Variants in ENDOD1 observed in about 807,000 individuals in gnomAD.
The protein encoded by ENDOD1 is endonuclease domain containing 1.
ENDOD1 carries 9 observed loss-of-function variants against 6.5 expected under a neutral mutation model. That is an observed-to-expected ratio of 1.39 (90% CI 0.84 to 2.43). The LOEUF (loss-of-function observed/expected upper bound fraction) is 2.43. ENDOD1 is among the 30% of genes most tolerant of loss of function. The pLI is 0.00. For synonymous variants in ENDOD1, 255 were observed against 255.2 expected (o/e 1.00, Z 0.01); for missense variants, 648 against 635.5 (o/e 1.02, Z -0.21).
chr11:95,121,784 G>A (rs182921225), intron 1 of ENDOD1, among the ~76,000 whole-genome samples: 166 of 152,292 alleles, frequency 1.1e-3, no homozygotes, highest in African/African-American at 3.8e-3. Context: ...CTAGTAGAGC[G>A]AAGACAGCTC....
chr11:95,124,922 T>C (rs1322155601), intron 1 of ENDOD1, among the ~76,000 whole-genome samples: 2 of 152,156 alleles, frequency 1.3e-5, no homozygotes, highest in Non-Finnish European at 2.9e-5. Context: ...TGGTTTCTGC[T>C]TAACAACAGG....
chr11:95,114,488 A>G (rs1020549382), intron 1 of ENDOD1, among the ~76,000 whole-genome samples: 1 of 152,122 alleles, frequency 6.6e-6, no homozygotes, highest in Non-Finnish European at 1.5e-5. Context: ...TTTCCTGTGT[A>G]GAAGCTTTTT....
At chr11:95,103,904 C>G (rs898622899) in intron 1 of ENDOD1, among the ~76,000 whole-genome samples, 4 of 152,176 alleles carry the variant, frequency 2.6e-5, no homozygotes, top group Non-Finnish European at 1.5e-5. Flanking sequence ...CCGTGTCTGC[C>G]TTGTGGACAG....
At chr11:95,114,120 A>G (rs536595935) in intron 1 of ENDOD1, among the ~76,000 whole-genome samples, 1 of 152,148 alleles carries the variant, frequency 6.6e-6, no homozygotes, top group South Asian at 2.1e-4. Context: ...TGTTTCATTG[A>G]TTGATCAATT....
Position 95,128,930 on chromosome 11 carries a change from T to C in ENDOD1, c.854T>C (p.Val285Ala). The C allele has an allele frequency of 1.2e-6, 2 of 1,613,932 alleles. No individual in the cohort carries two copies. Among genetic ancestry groups the C allele is most frequent in the Non-Finnish European group, 1.7e-6 (2 of 1,179,956 alleles). Residue 285 changes from valine (V) to alanine (A), a missense_variant, in exon 2 of 2, where the codon GTG (valine) becomes GCG (alanine). Physicochemically the swap from Val to Ala is moderately conservative, Grantham distance 64. Transcript: ENST00000278505. ...DTEKMKKILE[V>A]VNQIQDEERM... ...GAGAAAATGAAAAAAATCCTGGAAG[T>C]GGTTAACCAAATCCAGGATGAAGAA...
chr11:95,105,690 G>A (rs1390756583), intron 1 of ENDOD1, among the ~76,000 whole-genome samples: 6 of 152,268 alleles, frequency 3.9e-5, no homozygotes, highest in Middle Eastern at 3.4e-3. Context: ...CTGTTCCTGC[G>A]TTAGTTTGCT....
In ENDOD1 at chr11:95,128,428, A is replaced by G. The variant is rs767106232; in HGVS notation, c.352A>G (p.Ile118Val). 2 of 1,614,192 alleles carry G rather than the reference A, an allele frequency of 1.2e-6. No homozygotes were observed. The highest frequency in any genetic ancestry group is 2.2e-5 in the East Asian group (1 of 44,884). Residue 118 changes from isoleucine to valine, a missense_variant, in exon 2 of 2, where the codon ATC becomes GTC. By Grantham distance (29) the Ile-to-Val change is conservative. Transcript: ENST00000278505. ...LEEAINEAEAITSVNSLGSKQ... is the reference protein window; with the variant it reads ...LEEAINEAEAVTSVNSLGSKQ... ...GGAGGCGATTAATGAGGCAGAGGCC[A>G]TCACCTCTGTGAACAGCCTGGGAAG...
chr11:95,108,437 A>T (rs1859113019), intron 1 of ENDOD1, among the ~76,000 whole-genome samples: 1 of 151,790 alleles, frequency 6.6e-6, no homozygotes, highest in Non-Finnish European at 1.5e-5. Context: ...GAGGACAAGG[A>T]CATGCTCTGC....
Position 95,089,869 on chromosome 11 carries a change from G to C in ENDOD1, c.-59G>C, listed in dbSNP as rs1320858171. On this transcript the variant is annotated 5_prime_UTR_variant, in exon 1 of 2. Coordinates refer to ENST00000278505, the MANE Select transcript of ENDOD1 (RefSeq NM_015036.3). ...GCGTAGTGCGCTCCCCGCCCAGCCT[G>C]CAGAGCTCGCGCCGCGGCAGCCCAG... is the stretch of plus-strand genomic sequence containing the variant. 2.3e-6 allele frequency: 3 copies of C among 1,282,396 alleles called. No homozygotes were observed. The African/African-American group carries it at 4.7e-5, about 20-fold the overall frequency. The allele number at this position is 1,282,396 out of a possible 1,614,324, so 79.4% of individuals were successfully genotyped here. A position where few individuals can be genotyped will look rare whatever the true frequency, so the allele number is the denominator to read the frequency against.
At position 95,129,053 on chromosome 11, in the gene ENDOD1, G is replaced by T; in HGVS notation, c.977G>T (p.Ser326Ile). ...LPPEASEGSS[S>I]FLGKLMGFIA... is the part of the protein sequence containing the mutation. The stretch of plus-strand genomic sequence containing the variant: ...CCAGAGGCATCTGAGGGAAGTAGTA[G>T]CTTTTTGGGAAAACTCATGGGCTTC... The change falls in exon 2 of 2, where the codon AGC (serine) becomes ATC (isoleucine). Residue 326 changes from serine to isoleucine, a missense_variant. Ser to Ile is a moderately radical substitution (Grantham distance 142). Transcript: ENST00000278505. 1 of 1,614,018 alleles carries T rather than the reference G, an allele frequency of 6.2e-7. No homozygotes were observed. The highest frequency in any genetic ancestry group is 8.5e-7 in the Non-Finnish European group (1 of 1,180,036).
chr11:95,093,979 A>C (rs1211456537), intron 1 of ENDOD1, among the ~76,000 whole-genome samples: 1 of 152,134 alleles, frequency 6.6e-6, no homozygotes, highest in Non-Finnish European at 1.5e-5. Context: ...CAAACCTTTT[A>C]GTTTGTTGAC....
At chr11:95,090,278 C>T in intron 1 of ENDOD1, 51 bp downstream of exon 1, 1 of 1,356,058 alleles carries the variant, frequency 7.4e-7, no homozygotes, top group Non-Finnish European at 9.5e-7. Context: ...GACCGTGCCG[C>T]TGGACATGCC....
At chr11:95,100,218 G>C (rs1235159267) in intron 1 of ENDOD1, among the ~76,000 whole-genome samples, 1 of 152,106 alleles carries the variant, frequency 6.6e-6, no homozygotes, top group African/African-American at 2.4e-5. Context: ...TAGGGCCCAA[G>C]TTCCCATCAT....
chr11:95,103,216 C>T (rs1000633008), intron 1 of ENDOD1, among the ~76,000 whole-genome samples: 1 of 151,894 alleles, frequency 6.6e-6, no homozygotes, highest in Non-Finnish European at 1.5e-5. Context: ...TTTATCATGA[C>T]TTTGTTCCCT....
intron 1 of ENDOD1, among the ~76,000 whole-genome samples, chr11:95,091,912 A>T (rs532915563): frequency 6.6e-6 from 1 of 152,294 alleles, no homozygotes; most frequent in East Asian, 1.9e-4. Context: ...AGATAATAGC[A>T]TAGGGTGGTG....
intron 1 of ENDOD1, among the ~76,000 whole-genome samples, chr11:95,102,730 T>C (rs2134164379): frequency 6.6e-6 from 1 of 152,106 alleles, no homozygotes; most frequent in South Asian, 2.1e-4. Flanking sequence ...TTGAGGAGGA[T>C]TTAGGTTGGA....
intron 1 of ENDOD1, among the ~76,000 whole-genome samples, chr11:95,096,032 A>G (rs1314881325): frequency 6.6e-6 from 1 of 152,102 alleles, no homozygotes; most frequent in African/African-American, 2.4e-5. Flanking sequence ...TAGCTCCGTT[A>G]CTGGTGATTC....
At chr11:95,123,587 C>CTAAA (rs1491519128) in intron 1 of ENDOD1, among the ~76,000 whole-genome samples, 1 of 21,464 alleles carries the variant, frequency 4.7e-5, no homozygotes, top group Admixed American at 4.0e-4. Flanking sequence ...AGTATAAATA[C>CTAAA]CAAAAAAAAA....
chr11:95,110,356 A>G (rs957310724), intron 1 of ENDOD1, among the ~76,000 whole-genome samples: 2 of 152,208 alleles, frequency 1.3e-5, no homozygotes, highest in African/African-American at 4.8e-5. Flanking sequence ...TGATCCCATC[A>G]TGGTCACCAG....
Sources: gnomAD v4.1 joint callset for allele counts (sites outside exome capture counted in the v4.1 genomes callset) on GRCh38, gnomAD v4.1.1 for gene constraint, MANE v1.5 for transcripts, NCBI Gene and HGNC (gene_info 2026-07-23, HGNC 2026-07-21) for gene names.